SHROOM3: variants seen among roughly 807,000 people sequenced by gnomAD.
SHROOM3 encodes protein Shroom3.
In SHROOM3, 47 loss-of-function variants were observed where a neutral mutation model predicts 138.6. That is an observed-to-expected ratio of 0.34 (90% CI 0.27 to 0.43). The LOEUF is 0.43. Among genes scored for constraint, SHROOM3 ranks in the 20% least tolerant of loss-of-function variants. The pLI is 1.00. For synonymous variants in SHROOM3, 1,062 were observed against 1,063.3 expected, an observed-to-expected ratio of 1.00 and a Z score of 0.02; for missense variants, 2,491 against 2,596.5, an observed-to-expected ratio of 0.96 and a Z score of 0.88.
intron 5 of SHROOM3, 97 bp from the exon 6 acceptor site, chr4:76,748,920 G>A (rs1262632050): frequency 2.7e-6 from 3 of 1,130,496 alleles, no homozygotes; most frequent in East Asian, 2.7e-5. Flanking sequence ...TAGGTTGCCA[G>A]TAAATAGGTG....
chr4:76,688,362 A>G (rs1719401104), intron 2 of SHROOM3: 1 of 985,112 alleles, frequency 1.0e-6, no homozygotes, highest in Non-Finnish European at 1.2e-6. Context: ...AAGAGCACAG[A>G]CAAGTAAAGG....
At chr4:76,735,748 G>T (rs553552148) in intron 4 of SHROOM3, among the ~76,000 whole-genome samples, 1 of 148,536 alleles carries the variant, frequency 6.7e-6, no homozygotes, top group South Asian at 2.2e-4. Context: ...GCTGAGGCAG[G>T]AGAATTGCTT....
At chr4:76,504,586 A>T (rs980685180) in intron 1 of SHROOM3, among the ~76,000 whole-genome samples, 16 of 152,242 alleles carry the variant, frequency 1.1e-4, no homozygotes, top group African/African-American at 3.6e-4. Context: ...AATATGATTA[A>T]GCTTTTTGAA....
chr4:76,644,937 C>T (rs945530186), intron 2 of SHROOM3, among the ~76,000 whole-genome samples: 2 of 152,114 alleles, frequency 1.3e-5, no homozygotes, highest in Non-Finnish European at 2.9e-5. Flanking sequence ...TTATGTAGTA[C>T]TTATGTAGCA....
At chr4:76,470,855 T>C (rs528168676) in intron 1 of SHROOM3, among the ~76,000 whole-genome samples, 1 of 152,174 alleles carries the variant, frequency 6.6e-6, no homozygotes, top group Non-Finnish European at 1.5e-5. Flanking sequence ...ATTTAATTCA[T>C]CTCTGTGTGC....
chr4:76,618,273 C>G (rs1734926233), intron 2 of SHROOM3, among the ~76,000 whole-genome samples: 1 of 152,114 alleles, frequency 6.6e-6, no homozygotes. Context: ...CCATTAAACT[C>G]CAGCCTGGAT....
At chr4:76,556,829 T>C (rs1733492880) in intron 2 of SHROOM3, among the ~76,000 whole-genome samples, 2 of 152,206 alleles carry the variant, frequency 1.3e-5, no homozygotes, top group Admixed American at 1.3e-4. Context: ...GAGCCCATGC[T>C]CAGGGGAACA....
At chr4:76,553,434 C>T (rs997007731) in intron 1 of SHROOM3, among the ~76,000 whole-genome samples, 2 of 152,146 alleles carry the variant, frequency 1.3e-5, no homozygotes, top group African/African-American at 4.8e-5. Context: ...CACCACCACA[C>T]TCAGCTAATT....
chr4:76,697,273 T>C (rs1371849585), intron 2 of SHROOM3, among the ~76,000 whole-genome samples: 1 of 151,982 alleles, frequency 6.6e-6, no homozygotes, highest in Non-Finnish European at 1.5e-5. Flanking sequence ...ATTTGGAGGC[T>C]TCTTAAATTC....
At chr4:76,624,554 G>A (rs889071025) in intron 2 of SHROOM3, among the ~76,000 whole-genome samples, 1 of 152,096 alleles carries the variant, frequency 6.6e-6, no homozygotes, top group Non-Finnish European at 1.5e-5. Context: ...TGGGTGAGGG[G>A]CATGAGAATT....
At chr4:76,458,771 G>A (rs1024519133) in intron 1 of SHROOM3, among the ~76,000 whole-genome samples, 2 of 152,158 alleles carry the variant, frequency 1.3e-5, no homozygotes, top group Non-Finnish European at 2.9e-5. Context: ...TTTGATGGAA[G>A]CATTTTTACC....
intron 2 of SHROOM3, among the ~76,000 whole-genome samples, chr4:76,620,635 G>A (rs569424911): frequency 1.3e-5 from 2 of 152,134 alleles, no homozygotes; most frequent in Admixed American, 6.5e-5. Flanking sequence ...AGGTGGAGCC[G>A]TTTGGACAAA....
intron 2 of SHROOM3, chr4:76,644,419 T>C (rs1424658585): frequency 6.6e-6 from 1 of 151,268 alleles, no homozygotes; most frequent in Non-Finnish European, 1.5e-5. Flanking sequence ...CTGGCTAATT[T>C]TTTGTATTTT....
chr4:76,473,438 T>C (rs1731420032), intron 1 of SHROOM3, among the ~76,000 whole-genome samples: 1 of 152,068 alleles, frequency 6.6e-6, no homozygotes, highest in South Asian at 2.1e-4. Context: ...TGAGACCCCA[T>C]CTCTATGAAA....
chr4:76,582,928 A>G (rs2110044528), intron 2 of SHROOM3, among the ~76,000 whole-genome samples: 1 of 152,318 alleles, frequency 6.6e-6, no homozygotes, highest in East Asian at 1.9e-4. Context: ...GATCATCATT[A>G]CTTCTTCCAA....
rs545612333 is a variant in SHROOM3 at position 76,753,682 on chromosome 4, T to C, written c.3828-629T>C. On this transcript the variant is annotated intron_variant, in intron 6 of 10. Coordinates refer to ENST00000296043, the MANE Select transcript of SHROOM3 (RefSeq NM_020859.4). ...TAGCGTACAGTTGTTTAAATCACCA[T>C]GTACTATATTTGCTTATTATTGCCA... 2.9e-4 allele frequency among the ~76,000 whole-genome samples: 44 copies of C among 152,356 alleles called. No individual in the cohort carries two copies. The South Asian group carries it at 9.1e-3, about 32-fold the overall frequency.
intron 1 of SHROOM3, among the ~76,000 whole-genome samples, chr4:76,478,850 G>A (rs929751456): frequency 6.6e-6 from 1 of 152,260 alleles, no homozygotes; most frequent in Non-Finnish European, 1.5e-5. Context: ...GTCTTGAGTG[G>A]ACCTTCAGCA....
intron 2 of SHROOM3, among the ~76,000 whole-genome samples, chr4:76,675,763 G>A (rs887731402): frequency 6.6e-6 from 1 of 152,198 alleles, no homozygotes; most frequent in Non-Finnish European, 1.5e-5. Context: ...GTCTGAGGCA[G>A]AAGAATCCCT....
intron 2 of SHROOM3, among the ~76,000 whole-genome samples, chr4:76,606,037 C>T (rs1261305207): frequency 2.8e-4 from 30 of 108,290 alleles, no homozygotes; most frequent in East Asian, 1.4e-3. Flanking sequence ...TTTTCTGAGA[C>T]GGAGTCTCAC....
Sources: gnomAD v4.1 joint callset for allele counts (sites outside exome capture counted in the v4.1 genomes callset) on GRCh38, gnomAD v4.1.1 for gene constraint, MANE v1.5 for transcripts, NCBI Gene and HGNC (gene_info 2026-07-23, HGNC 2026-07-21) for gene names.